Variants in NEMP2 observed in about 807,000 individuals in gnomAD.
NEMP2 encodes the protein UPF0571 transmembrane protein.
NEMP2 carries 53 observed loss-of-function variants against 54.2 expected under a neutral mutation model. The ratio of observed to expected loss-of-function variants is 0.98; its 90% confidence interval spans 0.78 to 1.23. The LOEUF is 1.23. Among genes scored for constraint, NEMP2 ranks in the 50% most tolerant of loss-of-function variants. NEMP2 has a pLI of 0.00. For missense variants in NEMP2, 455 were observed against 511.3 expected (o/e 0.89, Z 1.06); for synonymous variants, 197 against 190.3 (o/e 1.04, Z -0.29).
the NEMP2 span, among the ~76,000 whole-genome samples, chr2:190,468,995 C>T: frequency 2.0e-5 from 3 of 152,204 alleles, no homozygotes; most frequent in Admixed American, 6.5e-5. Context: ...CAGTTCAGAA[C>T]GAGAGACTGA....
the NEMP2 span, among the ~76,000 whole-genome samples, chr2:190,487,235 G>A: frequency 6.6e-6 from 1 of 152,290 alleles, no homozygotes; most frequent in South Asian, 2.1e-4. This position sits in a 1 kb window ranked among gnomAD's most constrained non-coding sequence, Gnocchi z 5.5. Context: ...CAGCTACTTG[G>A]GAGGCTGAAG....
chr2:190,572,836 T>C, the NEMP2 span, among the ~76,000 whole-genome samples: 30 of 93,910 alleles, frequency 3.2e-4, no homozygotes, highest in African/African-American at 1.3e-3. Flanking sequence ...TTCATGAGTA[T>C]ATATATATAT....
At chr2:190,647,453 G>T in the NEMP2 span, among the ~76,000 whole-genome samples, 2 of 152,066 alleles carry the variant, frequency 1.3e-5, no homozygotes, top group African/African-American at 4.8e-5. Context: ...CCCCATCAGC[G>T]AAGTAGGCAC....
At chr2:190,472,844 G>C in the NEMP2 span, among the ~76,000 whole-genome samples, 6 of 152,132 alleles carry the variant, frequency 3.9e-5, no homozygotes, top group African/African-American at 1.4e-4. Flanking sequence ...GAGAAAGGTC[G>C]GGTTACCCAC....
the NEMP2 span, among the ~76,000 whole-genome samples, chr2:190,462,882 C>G: frequency 6.6e-6 from 1 of 152,178 alleles, no homozygotes; most frequent in African/African-American, 2.4e-5. The surrounding 1 kb of genome is among the most constrained non-coding windows in gnomAD (Gnocchi z 5.7). Context: ...GTGGCCTTGT[C>G]TCCTCTCCTC....
the NEMP2 span, among the ~76,000 whole-genome samples, chr2:190,495,786 C>A: frequency 6.6e-6 from 1 of 152,006 alleles, no homozygotes. This position sits in a 1 kb window ranked among gnomAD's most constrained non-coding sequence, Gnocchi z 4.7. Context: ...AATTGGCAAG[C>A]CACATGTAGG....
At position 190,520,886 on chromosome 2, in the gene NEMP2, C is replaced by A. The variant is rs1690729973; in HGVS notation, c.214-1703G>T. On this transcript the variant is annotated intron_variant, in intron 2 of 8. Transcript: ENST00000409150. The surrounding 1 kb of genome is among the most constrained non-coding windows in gnomAD (Gnocchi z 5.4). ...CATCCTTCTCCTGCTCCTTACCCTC[C>A]TAATATCCTCAATCTCTTTTTAGCC... 6.6e-6 allele frequency among the ~76,000 whole-genome samples: 1 copy of A among 152,150 alleles called. No homozygotes were observed.
At chr2:190,517,363 G>T (rs1268876007) in intron 5 of NEMP2, among the ~76,000 whole-genome samples, 157 bp downstream of exon 5, 2 of 151,344 alleles carry the variant, frequency 1.3e-5, no homozygotes, top group Non-Finnish European at 2.9e-5. Context: ...ATAAAATCAG[G>T]AACTCCAGAA....
the NEMP2 span, among the ~76,000 whole-genome samples, chr2:190,446,633 G>C: frequency 3.7e-4 from 57 of 152,278 alleles, 2 homozygotes; most frequent in African/African-American, 1.3e-3. Context: ...CATTTATAAA[G>C]AAGCTAATGA....
At chr2:190,604,239 C>A in the NEMP2 span, among the ~76,000 whole-genome samples, 4 of 152,158 alleles carry the variant, frequency 2.6e-5, no homozygotes, top group African/African-American at 9.7e-5. The surrounding 1 kb of genome is among the most constrained non-coding windows in gnomAD (Gnocchi z 4.5). Flanking sequence ...CCGAACAGTA[C>A]AATGATTTCA....
At chr2:190,486,605 C>T in the NEMP2 span, among the ~76,000 whole-genome samples, 9 of 152,342 alleles carry the variant, frequency 5.9e-5, no homozygotes, top group East Asian at 5.8e-4. Flanking sequence ...TCAGGAACCA[C>T]TGTCTCATAT....
chr2:190,499,542 T>C (rs948618737), downstream of NEMP2, among the ~76,000 whole-genome samples: 3 of 152,358 alleles, frequency 2.0e-5, no homozygotes, highest in East Asian at 5.8e-4. The surrounding 1 kb of genome is among the most constrained non-coding windows in gnomAD (Gnocchi z 6.0). Flanking sequence ...GACTCTTAAT[T>C]ACAGGACATT....
At chr2:190,430,880 C>G in the NEMP2 span, among the ~76,000 whole-genome samples, 3 of 150,418 alleles carry the variant, frequency 2.0e-5, no homozygotes, top group Non-Finnish European at 4.4e-5. Flanking sequence ...GGGCGGCTGC[C>G]GGGCGGAGAC....
chr2:190,444,308 T>C, the NEMP2 span, among the ~76,000 whole-genome samples: 5 of 152,242 alleles, frequency 3.3e-5, no homozygotes, highest in African/African-American at 1.2e-4. Flanking sequence ...ATGAGTATTC[T>C]TGGTCATGGC....
At chr2:190,541,580 T>C in the NEMP2 span, among the ~76,000 whole-genome samples, 4 of 152,210 alleles carry the variant, frequency 2.6e-5, no homozygotes, top group Non-Finnish European at 2.9e-5. The surrounding 1 kb of genome is among the most constrained non-coding windows in gnomAD (Gnocchi z 5.2). Flanking sequence ...TTTTCATAGA[T>C]ATGTCTTTTG....
chr2:190,613,749 G>A, the NEMP2 span, among the ~76,000 whole-genome samples: 12 of 151,896 alleles, frequency 7.9e-5, no homozygotes, highest in Non-Finnish European at 1.2e-4. Context: ...CACCATGCCC[G>A]GCTAATTTTT....
chr2:190,509,794 CT>C lies in NEMP2; in HGVS notation c.1131-483del, dbSNP rs1294964632. 6.6e-6 allele frequency among the ~76,000 whole-genome samples: 1 copy of C among 152,208 alleles called. No individual in the cohort carries two copies. Among genetic ancestry groups the C allele is most frequent in the African/African-American group, 2.4e-5 (1 of 41,448 alleles). On this transcript the variant is annotated intron_variant, in intron 8 of 8. Transcript: ENST00000409150. The surrounding 1 kb of genome is among the most constrained non-coding windows in gnomAD (Gnocchi z 6.1). ...GTGGCTCATGCCTGTAATCCCAGCA[CT>C]TTGGGAGGCCAAGGCAGGCAGATCA...
chr2:190,645,439 A>G, the NEMP2 span, among the ~76,000 whole-genome samples: 1 of 152,212 alleles, frequency 6.6e-6, no homozygotes, highest in Non-Finnish European at 1.5e-5. Context: ...GCTTCAAAAC[A>G]TATTCTAACT....
At chr2:190,563,161 A>G in the NEMP2 span, among the ~76,000 whole-genome samples, 1 of 152,266 alleles carries the variant, frequency 6.6e-6, no homozygotes, top group South Asian at 2.1e-4. The surrounding 1 kb of genome is among the most constrained non-coding windows in gnomAD (Gnocchi z 4.3). Flanking sequence ...TTTCCTTGAG[A>G]CATTCACATA....
Sources: allele counts gnomAD v4.1 joint callset (sites outside exome capture counted in the v4.1 genomes callset), GRCh38; gene constraint gnomAD v4.1.1; non-coding constraint Gnocchi (gnomAD v3.1); transcripts MANE v1.5; gene names NCBI Gene and HGNC (gene_info 2026-07-23, HGNC 2026-07-21).